SETD4: variants seen among roughly 807,000 people sequenced by gnomAD.
SETD4 encodes the protein SET domain containing 4.
A neutral mutation model predicts 58.3 loss-of-function variants in SETD4; 46 were observed. The ratio of observed to expected loss-of-function variants is 0.79; its 90% CI spans 0.62 to 1.01. SETD4 has a LOEUF of 1.01. Ranked by LOEUF, SETD4 falls within the 50% of genes least tolerant of loss-of-function variation. The pLI is 0.00. For synonymous variants in SETD4, 190 were observed against 202.6 expected (o/e 0.94, Z 0.53); for missense variants, 490 against 523.3 (o/e 0.94, Z 0.62).
chr21:36,041,234 A>C (rs2835242), intron 8 of SETD4, among the ~76,000 whole-genome samples: 63,190 of 150,166 alleles, frequency 0.42, 13,388 homozygotes, highest in Admixed American at 0.46. Flanking sequence ...GCCCATGCAC[A>C]GGAGTTCCCA....
chr21:36,053,576 T>C lies in SETD4; in HGVS notation c.207+7A>G, dbSNP rs1397253642. On this transcript the variant is annotated splice_region_variant and intron_variant, in intron 4 of 11. Coordinates refer to ENST00000332131, the MANE Select transcript of SETD4 (RefSeq NM_017438.5). ...TTGGGTTTCAAGGATCAAAGAACAG[T>C]TCTCACCTGCAGGGATGTTTGACTC... 6.2e-7 allele frequency: 1 copy of C among 1,614,130 alleles called. No individual in the cohort carries two copies.
At chr21:36,050,817 G>C in intron 4 of SETD4, 1 of 1,611,364 alleles carries the variant, frequency 6.2e-7, no homozygotes, top group Non-Finnish European at 8.5e-7. Context: ...AGAGTCACAT[G>C]GACGGGATGT....
chr21:36,049,826 C>G (rs2064548467), intron 4 of SETD4, among the ~76,000 whole-genome samples: 1 of 152,184 alleles, frequency 6.6e-6, no homozygotes, highest in Non-Finnish European at 1.5e-5. Context: ...TGTGAAACAA[C>G]TGCCAATTAT....
chr21:36,043,818 C>T lies in SETD4; in HGVS notation c.865G>A (p.Val289Ile), dbSNP rs2064176615. 2 of 1,614,174 alleles carry T rather than the reference C, an allele frequency of 1.2e-6. No individual in the cohort carries two copies. Among genetic ancestry groups the T allele is most frequent in the Admixed American group, 1.7e-5 (1 of 60,022 alleles). Residue 289 changes from valine to isoleucine, a missense_variant, in exon 7 of 12, where the codon GTC (valine) becomes ATC (isoleucine). Val to Ile is a conservative substitution (Grantham distance 29). Transcript: ENST00000332131. Reference protein sequence around the residue: ...RLFLEYGFVSVHNPHACVYVS... With the variant: ...RLFLEYGFVSIHNPHACVYVS... ...TAAACACAAGCATGAGGATTATGGA[C>T]AGAAACAAATCCGTATTCCAGGAAC...
chr21:36,036,458 T>A, intron 10 of SETD4: 1 of 288,836 alleles, frequency 3.5e-6, no homozygotes, highest in Non-Finnish European at 5.2e-6. Context: ...AATAACCCTA[T>A]TCCCCTCTTC....
intron 1 of SETD4, 60 bp downstream of exon 1, chr21:36,060,287 C>G (rs1315224451): frequency 6.2e-6 from 2 of 321,094 alleles, no homozygotes; most frequent in East Asian, 1.7e-4. Flanking sequence ...CGCACCCCGC[C>G]GACTCTGCTC....
chr21:36,057,067 C>G (rs2065020226), intron 3 of SETD4, 42 bp downstream of exon 3: 3 of 1,533,004 alleles, frequency 2.0e-6, no homozygotes, highest in Non-Finnish European at 1.8e-6. Flanking sequence ...CTACCTGGCT[C>G]TCGTGTGGGA....
In SETD4 at chr21:36,039,623, G is replaced by C. The variant is rs548349008; in HGVS notation, c.1064+952C>G. Among the ~76,000 whole-genome samples, 9 of 152,316 alleles carry C rather than the reference G, an allele frequency of 5.9e-5. No individual in the cohort carries two copies. In the South Asian group the frequency reaches 1.9e-3, roughly 32 times the overall value. On this transcript the variant is annotated intron_variant, in intron 9 of 11. Transcript: ENST00000332131. Reference sequence around the variant, plus strand: ...GCGAAACCGCATGTCCCAACACTAGGTACGTTTGCATGCACCTCAGATTTG... The same window carrying C: ...GCGAAACCGCATGTCCCAACACTAGCTACGTTTGCATGCACCTCAGATTTG...
chr21:36,045,598 T>G lies in SETD4; in HGVS notation c.710A>C (p.His237Pro), dbSNP rs1230772217. 1 of 1,613,792 alleles carries G rather than the reference T, an allele frequency of 6.2e-7. No homozygotes were observed. The highest frequency in any genetic ancestry group is 2.2e-5 in the East Asian group (1 of 44,856). ...GCTTCTCACCTGGACATGTGGGCTA[T>G]GATTCAGCAGGTCCAGGTACGGAGC... is the stretch of plus-strand genomic sequence containing the variant. ...ALAPYLDLLNHSPHVQVKAAF... is the reference protein window; with the variant it reads ...ALAPYLDLLNPSPHVQVKAAF... Residue 237 changes from histidine to proline, a missense_variant, in exon 6 of 12, where the codon CAT becomes CCT. Coordinates refer to ENST00000332131, the MANE Select transcript of SETD4 (RefSeq NM_017438.5).
chr21:36,043,490 T>C, intron 7 of SETD4: 1 of 1,185,358 alleles, frequency 8.4e-7, no homozygotes, highest in Non-Finnish European at 1.0e-6. Context: ...GTATAAACAT[T>C]TCCATCCTTT....
At chr21:36,051,297 G>A (rs577269769) in intron 4 of SETD4, 2 of 1,591,428 alleles carry the variant, frequency 1.3e-6, no homozygotes, top group African/African-American at 1.3e-5. Flanking sequence ...CATGGAGCGA[G>A]AGCTGCTCAC....
At chr21:36,043,229 C>CGGTGGT in intron 7 of SETD4, 1 of 160,154 alleles carries the variant, frequency 6.2e-6, no homozygotes, top group Non-Finnish European at 1.3e-5. Context: ...CCACTGCACT[C>CGGTGGT]CAGCCTGAGC....
intron 4 of SETD4, among the ~76,000 whole-genome samples, chr21:36,049,423 T>C (rs1380139420): frequency 6.6e-6 from 1 of 152,008 alleles, no homozygotes; most frequent in Non-Finnish European, 1.5e-5. Flanking sequence ...GCCATGGTGG[T>C]GCACACCTGT....
At chr21:36,050,783 A>G in intron 4 of SETD4, 1 of 1,612,218 alleles carries the variant, frequency 6.2e-7, no homozygotes, top group Non-Finnish European at 8.5e-7. Flanking sequence ...ATGAAGCGCC[A>G]TACTTGTTCC....
At chr21:36,044,129 C>T (rs2064193108) in intron 6 of SETD4, among the ~76,000 whole-genome samples, 173 bp from the exon 7 acceptor site, 1 of 152,202 alleles carries the variant, frequency 6.6e-6, no homozygotes, top group Non-Finnish European at 1.5e-5. Context: ...TCGACTTCAC[C>T]CCATTGATGA....
chr21:36,055,298 A>G (rs1041550815), intron 3 of SETD4, among the ~76,000 whole-genome samples: 5 of 152,154 alleles, frequency 3.3e-5, no homozygotes, highest in African/African-American at 4.8e-5. Flanking sequence ...ATCAAAAAAC[A>G]TATAGTAATC....
intron 7 of SETD4, chr21:36,043,461 T>G: frequency 9.3e-7 from 1 of 1,076,740 alleles, no homozygotes; most frequent in Non-Finnish European, 1.1e-6. Context: ...TTTTCTTTAG[T>G]GCCAGTGACA....
intron 3 of SETD4, among the ~76,000 whole-genome samples, chr21:36,056,683 A>C (rs2065001665): frequency 6.6e-6 from 1 of 152,092 alleles, no homozygotes; most frequent in Admixed American, 6.6e-5. Context: ...CTAAGCCTCT[A>C]GAGTAGCTGG....
In SETD4 at chr21:36,045,114, G is replaced by A. The variant is rs118037655; in HGVS notation, c.726+468C>T. On this transcript the variant is annotated intron_variant, in intron 6 of 11. Coordinates refer to ENST00000332131, the MANE Select transcript of SETD4 (RefSeq NM_017438.5). ...GCCATGAGCACTGAGGTGACAAAGAGGAACAAGACAAAGACCCCATTCTCA... is the reference window on the plus strand; with the variant it reads ...GCCATGAGCACTGAGGTGACAAAGAAGAACAAGACAAAGACCCCATTCTCA... Among the ~76,000 whole-genome samples the A allele has an allele frequency of 6.0e-4, 92 of 152,322 alleles. 1 individual carries two copies. In the East Asian group the frequency reaches 0.015, roughly 25 times the overall value.
Sources: allele counts gnomAD v4.1 joint callset (sites outside exome capture counted in the v4.1 genomes callset), GRCh38; gene constraint gnomAD v4.1.1; transcripts MANE v1.5; gene names NCBI Gene and HGNC (gene_info 2026-07-23, HGNC 2026-07-21).